Variants in USO1 observed in about 807,000 individuals in gnomAD.
USO1 encodes general vesicular transport factor p115.
In USO1, 57 loss-of-function variants were observed where a neutral mutation model predicts 124.5. That is an observed-to-expected ratio of 0.46 (90% CI 0.37 to 0.57). USO1 has a LOEUF of 0.57. Among genes scored for constraint, USO1 ranks in the 20% least tolerant of loss-of-function variants. USO1 has a pLI of 0.00. For missense variants in USO1, 900 were observed against 1,040.6 expected, an observed-to-expected ratio of 0.86 and a Z score of 1.86; for synonymous variants, 369 against 362.8, an observed-to-expected ratio of 1.02 and a Z score of -0.19.
intron 1 of USO1, among the ~76,000 whole-genome samples, chr4:75,740,704 G>A (rs895509163): frequency 2.0e-5 from 3 of 152,004 alleles, no homozygotes; most frequent in African/African-American, 7.3e-5. Context: ...TCAATCAGGT[G>A]GTATTTTAGA....
intron 4 of USO1, among the ~76,000 whole-genome samples, chr4:75,758,130 A>T (rs1351631816): frequency 6.6e-6 from 1 of 152,152 alleles, no homozygotes; most frequent in Non-Finnish European, 1.5e-5. Context: ...ATATTTGCAC[A>T]CTTAACATAA....
At chr4:75,738,297 T>C (rs1437746712) in intron 1 of USO1, among the ~76,000 whole-genome samples, 1 of 151,568 alleles carries the variant, frequency 6.6e-6, no homozygotes, top group Admixed American at 6.6e-5. Flanking sequence ...TCTCTACTAA[T>C]AATATAAAAA....
At chr4:75,764,838 T>G (rs1406577659) in intron 4 of USO1, among the ~76,000 whole-genome samples, 1 of 152,190 alleles carries the variant, frequency 6.6e-6, no homozygotes, top group East Asian at 1.9e-4. Context: ...TATTTTAGAC[T>G]TCTTTTTGAA....
chr4:75,729,994 A>G (rs764721319), intron 1 of USO1: 3 of 366,098 alleles, frequency 8.2e-6, no homozygotes, highest in South Asian at 4.1e-5. Context: ...TGAAATTCCT[A>G]TTTGGGTTGA....
At chr4:75,759,986 T>C (rs1721558338) in intron 4 of USO1, among the ~76,000 whole-genome samples, 2 of 149,032 alleles carry the variant, frequency 1.3e-5, no homozygotes, top group Admixed American at 1.3e-4. Flanking sequence ...CCAAGGTGGG[T>C]GGATCACCTG....
intron 1 of USO1, among the ~76,000 whole-genome samples, chr4:75,744,243 T>C (rs915269367): frequency 1.3e-5 from 2 of 152,208 alleles, no homozygotes; most frequent in African/African-American, 4.8e-5. Context: ...CTAGTATTTG[T>C]TGAACAAATG....
chr4:75,813,013 T>C (rs1723194125), intron 23 of USO1, among the ~76,000 whole-genome samples, 193 bp from the exon 24 acceptor site: 2 of 151,786 alleles, frequency 1.3e-5, no homozygotes, highest in South Asian at 4.2e-4. Context: ...CTCGGGAGGC[T>C]GAGACAGGAT....
Position 75,801,119 on chromosome 4 carries a change from T to TA in USO1, c.1911dup (p.Glu638ArgfsTer12). On this transcript the variant is annotated frameshift_variant, in exon 17 of 24. Coordinates refer to ENST00000514213, the MANE Select transcript of USO1 (RefSeq NM_003715.4). LOFTEE classifies it high-confidence loss of function. ...CTATTTATAAGTCCAGTGAAGAAGA[T>TA]AAAAAAGAAGAAGAGGTGAAAAAAA... is the stretch of plus-strand genomic sequence containing the variant. 6.2e-7 allele frequency: 1 copy of TA among 1,603,106 alleles called. No homozygotes were observed. Among genetic ancestry groups the TA allele is most frequent in the Non-Finnish European group, 8.5e-7 (1 of 1,174,486 alleles).
intron 4 of USO1, among the ~76,000 whole-genome samples, chr4:75,766,109 T>C (rs952512996): frequency 6.6e-6 from 1 of 152,206 alleles, no homozygotes; most frequent in Non-Finnish European, 1.5e-5. Flanking sequence ...GAATTTACTT[T>C]TATTTAGAGT....
At position 75,735,721 on chromosome 4, in the gene USO1, A is replaced by G. The variant is rs142707707; in HGVS notation, c.66+10836A>G. On this transcript the variant is annotated intron_variant, in intron 1 of 23. Coordinates refer to ENST00000514213, the MANE Select transcript of USO1 (RefSeq NM_003715.4). ...TTTCTTGTAGAGACAGGGTCTTGCT[A>G]TGTTGCCCAGGCTGGTCTTGAATTC... is the stretch of plus-strand genomic sequence containing the variant. 1.7e-3 allele frequency among the ~76,000 whole-genome samples: 252 copies of G among 152,078 alleles called. 2 individuals carry two copies. The East Asian group carries it at 0.042, about 25-fold the overall frequency.
chr4:75,787,594 T>C (rs1033774881), intron 10 of USO1, among the ~76,000 whole-genome samples: 1 of 152,212 alleles, frequency 6.6e-6, no homozygotes, highest in African/African-American at 2.4e-5. Context: ...CTCTGTTGCT[T>C]ACCTATAAGA....
intron 1 of USO1, among the ~76,000 whole-genome samples, chr4:75,740,968 A>G (rs2149143976): frequency 6.6e-6 from 1 of 152,342 alleles, no homozygotes; most frequent in Non-Finnish European, 1.5e-5. Context: ...GTTTCTTTAT[A>G]AAAATCTGTA....
At chr4:75,810,333 G>C in intron 21 of USO1, 99 bp from the exon 22 acceptor site, 1 of 1,320,142 alleles carries the variant, frequency 7.6e-7, no homozygotes, top group Non-Finnish European at 1.0e-6. Flanking sequence ...GTTAGTGAAA[G>C]TAAAATATCA....
chr4:75,725,142 T>C (rs980589950), intron 1 of USO1, among the ~76,000 whole-genome samples: 7 of 152,226 alleles, frequency 4.6e-5, no homozygotes, highest in African/African-American at 1.4e-4. Context: ...AAGCTCGGGC[T>C]AGGAGAGTGG....
At chr4:75,794,620 G>A (rs1722629745) in intron 13 of USO1, among the ~76,000 whole-genome samples, 1 of 152,174 alleles carries the variant, frequency 6.6e-6, no homozygotes, top group Non-Finnish European at 1.5e-5. Flanking sequence ...GTCACTCAGG[G>A]AAAGTAAAAA....
intron 1 of USO1, among the ~76,000 whole-genome samples, chr4:75,725,163 G>T (rs185396946): frequency 6.6e-6 from 1 of 152,314 alleles, no homozygotes; most frequent in East Asian, 1.9e-4. Context: ...TCCGCAGGTG[G>T]TACCGCACGG....
At position 75,728,631 on chromosome 4, in the gene USO1, C is replaced by T. The variant is rs191743281; in HGVS notation, c.66+3746C>T. On this transcript the variant is annotated intron_variant, in intron 1 of 23. Coordinates refer to ENST00000514213, the MANE Select transcript of USO1 (RefSeq NM_003715.4). ...TTGTGCCACTGCATTCCAGCCTGGG[C>T]GAGAGAGCGAGACTGTCTCAAAAAG... is the stretch of plus-strand genomic sequence containing the variant. 1.3e-3 allele frequency among the ~76,000 whole-genome samples: 200 copies of T among 152,138 alleles called. 1 individual carries two copies. The highest frequency in any genetic ancestry group is 2.5e-3 in the Non-Finnish European group (172 of 67,978).
intron 8 of USO1, among the ~76,000 whole-genome samples, chr4:75,778,313 GA>G (rs1722127852): frequency 6.6e-6 from 1 of 151,974 alleles, no homozygotes; most frequent in South Asian, 2.1e-4. Flanking sequence ...AAATAAGGTA[GA>G]AAAAAGAAAA....
chr4:75,795,628 T>C (rs1722656076), intron 13 of USO1, among the ~76,000 whole-genome samples: 1 of 152,184 alleles, frequency 6.6e-6, no homozygotes, highest in African/African-American at 2.4e-5. Flanking sequence ...CTGGATTTCC[T>C]TGGTTTCGGT....
Sources: gnomAD v4.1 joint callset for allele counts (sites outside exome capture counted in the v4.1 genomes callset) on GRCh38, gnomAD v4.1.1 for gene constraint, MANE v1.5 for transcripts, NCBI Gene and HGNC (gene_info 2026-07-23, HGNC 2026-07-21) for gene names.